The following PCNT variants were observed in gnomAD, a reference collection of about 807,000 sequenced individuals.
PCNT encodes pericentrin.
PCNT carries 319 observed loss-of-function variants against 380.4 expected under a neutral mutation model. The observed-to-expected ratio is 0.84, with a 90% CI of 0.77 to 0.92. PCNT has a LOEUF of 0.92. Ranked by LOEUF, PCNT falls within the 40% of genes least tolerant of loss-of-function variation. The pLI, the probability that PCNT is intolerant of heterozygous loss-of-function variation, is 0.00. For synonymous variants in PCNT, 1,845 were observed against 1,735.2 expected (o/e 1.06, Z -1.57); for missense variants, 4,400 against 4,255.3 (o/e 1.03, Z -0.95).
chr21:46,422,178 C>A, intron 32 of PCNT, 54 bp downstream of exon 32: 1 of 1,602,106 alleles, frequency 6.2e-7, no homozygotes, highest in South Asian at 1.1e-5. Flanking sequence ...CTCGGGGCAT[C>A]CCCCAAGCCC....
chr21:46,372,517 G>A (rs1403766200), intron 15 of PCNT, among the ~76,000 whole-genome samples: 2 of 152,206 alleles, frequency 1.3e-5, no homozygotes, highest in African/African-American at 4.8e-5. Flanking sequence ...CTTTCTGTGG[G>A]GGGAGGGTTA....
At chr21:46,353,719 T>G (rs985431431) in intron 10 of PCNT, among the ~76,000 whole-genome samples, 2 of 76,490 alleles carry the variant, frequency 2.6e-5, no homozygotes, top group Admixed American at 1.3e-4. Flanking sequence ...CCTCCAGGTG[T>G]GTGTGTGTGT....
intron 25 of PCNT, among the ~76,000 whole-genome samples, chr21:46,401,009 C>T (rs1397789861): frequency 6.6e-6 from 1 of 152,248 alleles, no homozygotes; most frequent in Non-Finnish European, 1.5e-5. Context: ...GGCTTCACCC[C>T]TTCTGCCTTC....
chr21:46,402,132 G>T (rs2086449260), intron 26 of PCNT, among the ~76,000 whole-genome samples, 199 bp from the exon 27 acceptor site: 1 of 92 alleles, frequency 0.011, no homozygotes, highest in African/African-American at 0.071. Context: ...GGGATTACAG[G>T]CGTGAGCCCA....
rs1390439017 is a variant in PCNT, at chr21:46,405,361, A to G, written c.5115+2878A>G. On this transcript the variant is annotated intron_variant, in intron 27 of 46. Transcript: ENST00000359568. ...CTTAGTATCTGATTGTATCTTGTAT[A>G]TTTGGCAAAAATTTAAAAATAGCCT... is the stretch of plus-strand genomic sequence containing the variant. Among the ~76,000 whole-genome samples, 5 of 152,230 alleles carry G rather than the reference A, an allele frequency of 3.3e-5. No homozygotes were observed. The East Asian group carries it at 9.6e-4, about 29-fold the overall frequency.
Position 46,355,565 on chromosome 21 carries a change from C to T in PCNT, c.1875C>T (p.Cys625=), listed in dbSNP as rs369822215. 2.0e-5 allele frequency: 33 copies of T among 1,613,962 alleles called. No homozygotes were observed. Among genetic ancestry groups the T allele is most frequent in the African/African-American group, 5.3e-5 (4 of 74,912 alleles). ...AGGGGCATGTCTCAGACAGATGCTG[C>T]GTAGAGACTTCAGCATTGGGACACG... ...QHEGHVSDRC[C]VETSALGHEW... Residue 625 remains cysteine, a synonymous_variant, in exon 12 of 47, where the codon TGC becomes TGT. Transcript: ENST00000359568.
intron 2 of PCNT, among the ~76,000 whole-genome samples, chr21:46,333,048 G>C (rs987639218): frequency 6.6e-6 from 1 of 152,218 alleles, no homozygotes; most frequent in Non-Finnish European, 1.5e-5. Context: ...AGGAGGTTAA[G>C]GTTGCAGTGA....
Position 46,416,324 on chromosome 21 carries a change from G to A in PCNT, c.6406G>A (p.Gly2136Arg), listed in dbSNP as rs1169915505. 2 of 1,613,648 alleles carry A rather than the reference G, an allele frequency of 1.2e-6. No homozygotes were observed. Among genetic ancestry groups the A allele is most frequent in the East Asian group, 2.2e-5 (1 of 44,904 alleles). ...CACATGTGATGCCAATACAGCCACG[G>A]GGGGTGTAACTGATGTTATCAAAAA... is the stretch of plus-strand genomic sequence containing the variant. ...IDTCDANTAT[G>R]GVTDVIKNQA... Residue 2136 changes from glycine to arginine, a missense_variant, in exon 30 of 47, where the codon GGG becomes AGG. Physicochemically the swap from Gly to Arg is moderately radical, Grantham distance 125 (BLOSUM62 -2). Transcript: ENST00000359568.
intron 2 of PCNT, among the ~76,000 whole-genome samples, chr21:46,333,261 G>A (rs1259957156): frequency 1.3e-5 from 2 of 151,804 alleles, no homozygotes; most frequent in African/African-American, 2.4e-5. Context: ...GTGAAACCCC[G>A]ATTCTACTAA....
chr21:46,362,640 T>G (rs1355930183), intron 13 of PCNT, among the ~76,000 whole-genome samples: 1 of 152,156 alleles, frequency 6.6e-6, no homozygotes, highest in Non-Finnish European at 1.5e-5. Flanking sequence ...ACCTACTTTT[T>G]TCTCTTTGAA....
At chr21:46,438,832 A>G (rs909293138) in intron 41 of PCNT, among the ~76,000 whole-genome samples, 1 of 151,816 alleles carries the variant, frequency 6.6e-6, no homozygotes, top group African/African-American at 2.4e-5. Context: ...GCCACCACAC[A>G]TGGCTAATTT....
At chr21:46,337,981 C>T (rs775045133) in intron 3 of PCNT, among the ~76,000 whole-genome samples, 4 of 152,136 alleles carry the variant, frequency 2.6e-5, no homozygotes, top group African/African-American at 9.7e-5. Flanking sequence ...TTAGGCAGTC[C>T]TCCCACCTCA....
intron 8 of PCNT, among the ~76,000 whole-genome samples, chr21:46,350,247 G>A (rs1303360744): frequency 6.6e-6 from 1 of 152,144 alleles, no homozygotes; most frequent in Non-Finnish European, 1.5e-5. Context: ...AAAGTGTAAG[G>A]ATATAGTCTC....
At chr21:46,400,401 GA>G in intron 25 of PCNT, among the ~76,000 whole-genome samples, 1 of 152,196 alleles carries the variant, frequency 6.6e-6, no homozygotes, top group South Asian at 2.1e-4. Flanking sequence ...TGACTTCTAT[GA>G]GGTTAAAAGG....
chr21:46,400,784 T>C (rs1214295985), intron 25 of PCNT, among the ~76,000 whole-genome samples: 10 of 152,124 alleles, frequency 6.6e-5, no homozygotes, highest in Non-Finnish European at 1.5e-5. Flanking sequence ...CCTCTCAAAG[T>C]GCTGGTATTA....
Position 46,418,220 on chromosome 21 carries a change from A to T in PCNT, c.6938A>T (p.Asp2313Val). ...QRTAVEKDVE[D>V]FITTSFDSQE... Reference sequence around the variant, plus strand: ...TCTTAACAGGAGAAAGATGTCGAAGATTTTATCACAACATCCTTTGATTCT... The same window carrying T: ...TCTTAACAGGAGAAAGATGTCGAAGTTTTTATCACAACATCCTTTGATTCT... The change falls in exon 31 of 47, where the codon GAT becomes GTT. Residue 2313 changes from aspartate to valine, a missense_variant. Transcript: ENST00000359568. 1 of 1,599,632 alleles carries T rather than the reference A, an allele frequency of 6.3e-7. No homozygotes were observed. The highest frequency in any genetic ancestry group is 1.1e-5 in the South Asian group (1 of 90,764).
chr21:46,385,294 TAC>T (rs1159588063), intron 16 of PCNT, among the ~76,000 whole-genome samples: 2 of 152,180 alleles, frequency 1.3e-5, no homozygotes, highest in African/African-American at 4.8e-5. Flanking sequence ...AGTTTGAGGC[TAC>T]AGTGAGCTGT....
chr21:46,418,747 G>T (rs1220120420), intron 31 of PCNT, among the ~76,000 whole-genome samples: 1 of 152,238 alleles, frequency 6.6e-6, no homozygotes, highest in Admixed American at 6.5e-5. Flanking sequence ...CCTCCCCTTG[G>T]GGTGGACGTC....
At chr21:46,356,385 C>T (rs2084478574) in intron 12 of PCNT, among the ~76,000 whole-genome samples, 1 of 152,244 alleles carries the variant, frequency 6.6e-6, no homozygotes, top group Non-Finnish European at 1.5e-5. Flanking sequence ...CTGCCCTGCA[C>T]CACAATTGTC....
Sources: gnomAD v4.1 joint callset for allele counts (sites outside exome capture counted in the v4.1 genomes callset) on GRCh38, gnomAD v4.1.1 for gene constraint, MANE v1.5 for transcripts, NCBI Gene and HGNC (gene_info 2026-07-23, HGNC 2026-07-21) for gene names.